The following TIAM1 variants were observed in gnomAD, a reference collection of about 807,000 sequenced individuals.
TIAM1 encodes rho guanine nucleotide exchange factor TIAM1.
Under a neutral mutation model 163.5 loss-of-function variants are expected in TIAM1, and 65 were observed. The ratio of observed to expected loss-of-function variants is 0.40; its 90% CI spans 0.33 to 0.49. TIAM1 has a LOEUF of 0.49. TIAM1 is among the 20% of genes least tolerant of loss of function. The pLI, the probability that TIAM1 is intolerant of heterozygous loss-of-function variation, is 0.77. For missense variants in TIAM1, 1,789 were observed against 2,044.7 expected (o/e 0.87, Z 2.41); for synonymous variants, 833 against 810.1 (o/e 1.03, Z -0.48).
At chr21:31,368,966 G>A (rs575922111) in intron 2 of TIAM1, among the ~76,000 whole-genome samples, 3 of 152,256 alleles carry the variant, frequency 2.0e-5, no homozygotes, top group South Asian at 2.1e-4. Flanking sequence ...TAGGTCGGGC[G>A]TGGTGGCTCA....
intron 1 of TIAM1, among the ~76,000 whole-genome samples, chr21:31,545,525 C>A (rs2048458880): frequency 1.3e-5 from 2 of 152,120 alleles, no homozygotes; most frequent in African/African-American, 4.8e-5. Context: ...AACCAGGAGG[C>A]AATCCTAGAG....
chr21:31,484,464 G>A (rs1050658292), intron 1 of TIAM1, among the ~76,000 whole-genome samples: 3 of 152,210 alleles, frequency 2.0e-5, no homozygotes, highest in African/African-American at 7.2e-5. Flanking sequence ...GCTTGCCTCT[G>A]CCTCCGGGGC....
At chr21:31,185,182 A>T (rs2085221155) in intron 14 of TIAM1, among the ~76,000 whole-genome samples, 1 of 152,076 alleles carries the variant, frequency 6.6e-6, no homozygotes, top group Admixed American at 6.6e-5. Context: ...CAAATCCCAT[A>T]GCAAGAAGAA....
chr21:31,250,306 G>T (rs1399145749), intron 5 of TIAM1, among the ~76,000 whole-genome samples: 1 of 152,152 alleles, frequency 6.6e-6, no homozygotes, highest in East Asian at 1.9e-4. Flanking sequence ...GGGAAATAAA[G>T]TTCTGTCTTG....
intron 2 of TIAM1, among the ~76,000 whole-genome samples, chr21:31,278,688 T>C (rs968891592): frequency 1.3e-5 from 2 of 152,188 alleles, no homozygotes; most frequent in African/African-American, 4.8e-5. Context: ...AATATGCTAT[T>C]TAACCATGAA....
intron 2 of TIAM1, among the ~76,000 whole-genome samples, chr21:31,376,760 T>C (rs1425695722): frequency 6.6e-6 from 1 of 151,922 alleles, no homozygotes; most frequent in African/African-American, 2.4e-5. Context: ...ATGCCTTCTG[T>C]AATATCCTGG....
upstream of TIAM1, among the ~76,000 whole-genome samples, chr21:31,346,519 GGAT>G (rs1332890344): frequency 6.6e-6 from 1 of 152,174 alleles, no homozygotes; most frequent in Non-Finnish European, 1.5e-5. Flanking sequence ...GATGGGAGAA[GGAT>G]GATGTAAAGC....
intron 1 of TIAM1, among the ~76,000 whole-genome samples, chr21:31,533,357 A>G (rs2048029309): frequency 6.6e-6 from 1 of 152,208 alleles, no homozygotes; most frequent in Non-Finnish European, 1.5e-5. Flanking sequence ...TCTAGTAGCC[A>G]CATGTTTTTA....
intron 2 of TIAM1, among the ~76,000 whole-genome samples, chr21:31,461,564 C>G (rs1265013299): frequency 2.6e-5 from 4 of 152,106 alleles, no homozygotes; most frequent in African/African-American, 9.7e-5. Context: ...TAAAAGGACA[C>G]CATTATTTAG....
chr21:31,285,973 GAATCTAGAAATATTA>G (rs1312090239), intron 2 of TIAM1, among the ~76,000 whole-genome samples: 1 of 152,168 alleles, frequency 6.6e-6, no homozygotes, highest in African/African-American at 2.4e-5. Flanking sequence ...GGAAGAAAGA[GAATCTAGAAATATTA>G]AGTATGTAAG....
rs576748667 is a variant in TIAM1 at position 31,279,606 on chromosome 21, C to T, written c.-188-2698G>A. Among the ~76,000 whole-genome samples, 9 of 152,308 alleles carry T rather than the reference C, an allele frequency of 5.9e-5. 1 individual carries two copies. In the South Asian group the frequency reaches 1.9e-3, roughly 32 times the overall value. ...TGACTTGGGGCAAACTCTAAATGTC[C>T]TATCCCTCTAACAGGTGGGGATGAT... On this transcript the variant is annotated intron_variant, in intron 2 of 27. Coordinates refer to ENST00000541036, the MANE Select transcript of TIAM1 (RefSeq NM_001353694.2).
At chr21:31,175,826 T>C (rs2084737394) in intron 15 of TIAM1, among the ~76,000 whole-genome samples, 1 of 152,312 alleles carries the variant, frequency 6.6e-6, no homozygotes, top group Middle Eastern at 3.4e-3. Context: ...CTGGAACTCC[T>C]GACCTTAGGT....
chr21:31,445,803 G>A (rs201856631), intron 2 of TIAM1, among the ~76,000 whole-genome samples: 29 of 152,270 alleles, frequency 1.9e-4, no homozygotes, highest in African/African-American at 6.5e-4. Flanking sequence ...GTACAGCCAG[G>A]GGGAGGAGGG....
intron 15 of TIAM1, among the ~76,000 whole-genome samples, chr21:31,172,790 C>T (rs769838629): frequency 2.6e-5 from 4 of 151,978 alleles, no homozygotes; most frequent in Non-Finnish European, 4.4e-5. Context: ...TCACTTGAGT[C>T]CAGGAGTTCA....
chr21:31,329,691 T>TA (rs1261733182), intron 2 of TIAM1, among the ~76,000 whole-genome samples: 2 of 152,160 alleles, frequency 1.3e-5, no homozygotes, highest in African/African-American at 2.4e-5. Flanking sequence ...ATCCCATTCT[T>TA]AGAGTATCAG....
intron 2 of TIAM1, among the ~76,000 whole-genome samples, chr21:31,389,157 T>C (rs2147191738): frequency 6.6e-6 from 1 of 152,352 alleles, no homozygotes; most frequent in East Asian, 1.9e-4. Context: ...CTTTCCCATA[T>C]CACAAAGTAT....
At chr21:31,380,135 A>G (rs1461067451) in intron 2 of TIAM1, among the ~76,000 whole-genome samples, 22 of 151,966 alleles carry the variant, frequency 1.4e-4, no homozygotes, top group Admixed American at 1.4e-3. Context: ...ATGGTGGTGC[A>G]CACCTGTAAT....
chr21:31,245,498 A>G lies in TIAM1; in HGVS notation c.1574T>C (p.Phe525Ser). 6.6e-7 allele frequency: 1 copy of G among 1,506,226 alleles called. No homozygotes were observed. The highest frequency in any genetic ancestry group is 8.9e-7 in the Non-Finnish European group (1 of 1,120,540). 93.3% of individuals were successfully genotyped at this position (1,506,226 alleles called of 1,614,324 possible). A position where few individuals can be genotyped will look rare whatever the true frequency, so the allele number is the denominator to read the frequency against. The change falls in exon 6 of 28, where the codon TTC (phenylalanine) becomes TCC (serine). Residue 525 changes from phenylalanine (F) to serine (S), a missense_variant. By Grantham distance (155) the Phe-to-Ser change is radical. Transcript: ENST00000541036. ...AAGTGCCCAACAAACCTGAAAAAGG[A>G]AGGCATCACCCAGGGAATTGCTGAG... ...FCLSNSLGDA[F>S]LFQTTSQTEL...
intron 2 of TIAM1, among the ~76,000 whole-genome samples, chr21:31,392,880 C>G (rs151166372): frequency 6.6e-6 from 1 of 151,964 alleles, no homozygotes; most frequent in African/African-American, 2.4e-5. Flanking sequence ...TGAGTAAAAG[C>G]TTCTTGCAGC....
Sources: gnomAD v4.1 joint callset for allele counts (sites outside exome capture counted in the v4.1 genomes callset) on GRCh38, gnomAD v4.1.1 for gene constraint, MANE v1.5 for transcripts, NCBI Gene and HGNC (gene_info 2026-07-23, HGNC 2026-07-21) for gene names.